FMO5: variants seen among roughly 807,000 people sequenced by gnomAD.
FMO5 encodes flavin-containing monooxygenase 5.
In FMO5, 51 loss-of-function variants were observed where a neutral mutation model predicts 43.6. That is an observed-to-expected ratio of 1.17 (90% CI 0.93 to 1.48). FMO5 has a LOEUF of 1.48. Among genes scored for constraint, FMO5 ranks in the 40% most tolerant of loss-of-function variants. The pLI, the probability that FMO5 is intolerant of heterozygous loss-of-function variation, is 0.00. For missense variants in FMO5, 644 were observed against 643.0 expected, an observed-to-expected ratio of 1.00 and a Z score of -0.02; for synonymous variants, 187 against 216.5, an observed-to-expected ratio of 0.86 and a Z score of 1.20.
intron 7 of FMO5, among the ~76,000 whole-genome samples, chr1:147,194,530 G>A (rs974838946): frequency 6.6e-6 from 1 of 152,146 alleles, no homozygotes; most frequent in Non-Finnish European, 1.5e-5. Context: ...ATTGTTATGT[G>A]TGAATTTGGT....
At chr1:147,204,043 C>T in intron 6 of FMO5, 2 of 1,174,318 alleles carry the variant, frequency 1.7e-6, no homozygotes, top group East Asian at 4.7e-5. Context: ...CCATGTCTGC[C>T]ACTTTGCCAC....
chr1:147,221,817 G>A (rs1663058929), intron 2 of FMO5, among the ~76,000 whole-genome samples: 1 of 152,154 alleles, frequency 6.6e-6, no homozygotes, highest in African/African-American at 2.4e-5. Context: ...GTGTTATCCT[G>A]TGTCAACAAC....
At chr1:147,209,193 G>A in intron 5 of FMO5, 142 bp from the exon 6 acceptor site, 5 of 575,308 alleles carry the variant, frequency 8.7e-6, no homozygotes, top group Non-Finnish European at 1.5e-5. Flanking sequence ...GCCAAGGCGG[G>A]CGGATCACGA....
chr1:147,198,724 G>A (rs587670537), intron 7 of FMO5, among the ~76,000 whole-genome samples: 91 of 151,948 alleles, frequency 6.0e-4, no homozygotes, highest in African/African-American at 1.8e-3. Flanking sequence ...GGTGGCGGGC[G>A]CCTGTAGTCC....
At chr1:147,187,370 A>T in intron 8 of FMO5, 125 bp from the exon 9 acceptor site, 1 of 677,014 alleles carries the variant, frequency 1.5e-6, no homozygotes, top group Non-Finnish European at 2.5e-6. Context: ...TATAGAGAAG[A>T]AAGATAAAAC....
chr1:147,206,365 C>G (rs587599445), intron 6 of FMO5, among the ~76,000 whole-genome samples: 2 of 151,800 alleles, frequency 1.3e-5, no homozygotes, highest in South Asian at 4.2e-4. Flanking sequence ...GTGGCGATTC[C>G]TCAAAAAGAA....
chr1:147,199,907 G>A (rs1377843750), intron 7 of FMO5, among the ~76,000 whole-genome samples: 1 of 152,116 alleles, frequency 6.6e-6, no homozygotes, highest in African/African-American at 2.4e-5. Flanking sequence ...CAGGAACTCT[G>A]AGTAGTTTTA....
chr1:147,202,174 T>C (rs1357445169), intron 6 of FMO5, among the ~76,000 whole-genome samples: 1 of 151,866 alleles, frequency 6.6e-6, no homozygotes, highest in African/African-American at 2.4e-5. Flanking sequence ...GGGCTTGTTA[T>C]TGTTTCCTAG....
At chr1:147,215,254 GT>G (rs1661793468) in intron 3 of FMO5, 1 of 152,198 alleles carries the variant, frequency 6.6e-6, no homozygotes, top group Non-Finnish European at 1.5e-5. Context: ...CAGAATTCAG[GT>G]TTTTATTCTG....
At chr1:147,199,816 C>T (rs1553920513) in intron 7 of FMO5, among the ~76,000 whole-genome samples, 1 of 152,110 alleles carries the variant, frequency 6.6e-6, no homozygotes, top group Non-Finnish European at 1.5e-5. Flanking sequence ...GTTGAACTAT[C>T]AACTGTAATA....
At chr1:147,211,901 A>G (rs1225438476) in intron 5 of FMO5, among the ~76,000 whole-genome samples, 1 of 152,228 alleles carries the variant, frequency 6.6e-6, no homozygotes, top group African/African-American at 2.4e-5. Flanking sequence ...TTGGGAAGAT[A>G]AAATTGATAC....
chr1:147,202,474 CA>C lies in FMO5; in HGVS notation c.831-971del, dbSNP rs201499373. Among the ~76,000 whole-genome samples the C allele has an allele frequency of 5.1e-4, 77 of 152,086 alleles. No individual in the cohort carries two copies. In the East Asian group the frequency reaches 0.014, roughly 27 times the overall value. ...AGCTTGGACTACAGGCACCTGCCAC[CA>C]TGCCTGGCTAATTTTTGTATTTTTA... On this transcript the variant is annotated intron_variant, in intron 6 of 8. Transcript: ENST00000254090.
chr1:147,189,270 C>G (rs1656233268), intron 8 of FMO5, among the ~76,000 whole-genome samples: 1 of 120,596 alleles, frequency 8.3e-6, no homozygotes, highest in Admixed American at 8.0e-5. Flanking sequence ...GAGACTCCGT[C>G]TAAAAAAAAA....
rs587700175 is a variant in FMO5, at chr1:147,186,828, A to C, written c.*72T>G. 122 of 1,526,226 alleles carry C rather than the reference A, an allele frequency of 8.0e-5. 1 individual carries two copies. The African/African-American group carries it at 1.3e-3, about 17-fold the overall frequency. 94.5% of individuals were successfully genotyped at this position (1,526,226 alleles called of 1,614,324 possible). A position where few individuals can be genotyped will look rare whatever the true frequency, so the allele number is the denominator to read the frequency against. ...TCTGGGCAATATGAAACTGAGAGTCAATCTCGTCAGATTCTGAAGGCATCT... is the reference window on the plus strand; with the variant it reads ...TCTGGGCAATATGAAACTGAGAGTCCATCTCGTCAGATTCTGAAGGCATCT... On this transcript the variant is annotated 3_prime_UTR_variant, in exon 9 of 9. Coordinates refer to ENST00000254090, the MANE Select transcript of FMO5 (RefSeq NM_001461.4).
chr1:147,204,147 C>A, intron 6 of FMO5: 1 of 1,077,604 alleles, frequency 9.3e-7, no homozygotes, highest in Non-Finnish European at 1.4e-6. Flanking sequence ...ATCAATTCTT[C>A]ATCAGTCTTT....
At chr1:147,184,979 T>C, downstream of FMO5, among the ~76,000 whole-genome samples, 1 of 152,094 alleles carries the variant, frequency 6.6e-6, no homozygotes, top group Non-Finnish European at 1.5e-5. The surrounding 1 kb of genome is among the most constrained non-coding windows in gnomAD (Gnocchi z 4.4). Context: ...TACAAGAATA[T>C]ATATATATTT....
rs376552337 is a variant in FMO5, at chr1:147,186,741, G to T, written c.*159C>A. The T allele has an allele frequency of 2.6e-4, 367 of 1,435,516 alleles. 3 individuals are homozygous for T. The South Asian group carries it at 5.4e-3, about 21-fold the overall frequency. 88.9% of individuals were successfully genotyped at this position (1,435,516 alleles called of 1,614,324 possible). On this transcript the variant is annotated 3_prime_UTR_variant, in exon 9 of 9. Transcript: ENST00000254090. ...GATGAGTTAATACAAATGGAAAACA[G>T]GTTTCATTGTAGGAAAAAGGAAAGT...
intron 2 of FMO5, among the ~76,000 whole-genome samples, chr1:147,222,280 A>G (rs1200117966): frequency 6.6e-6 from 1 of 152,200 alleles, no homozygotes; most frequent in Non-Finnish European, 1.5e-5. Context: ...AGGCATGAGA[A>G]TCACTTGAAC....
At chr1:147,217,738 G>A (rs1449920691) in intron 2 of FMO5, among the ~76,000 whole-genome samples, 2 of 152,112 alleles carry the variant, frequency 1.3e-5, no homozygotes, top group Non-Finnish European at 2.9e-5. Context: ...TTCTCTCTAA[G>A]GTGTGGCTGG....
Sources: allele counts gnomAD v4.1 joint callset (sites outside exome capture counted in the v4.1 genomes callset), GRCh38; gene constraint gnomAD v4.1.1; non-coding constraint Gnocchi (gnomAD v3.1); transcripts MANE v1.5; gene names NCBI Gene and HGNC (gene_info 2026-07-23, HGNC 2026-07-21).